IGDCC4: variants seen among roughly 807,000 people sequenced by gnomAD.
The protein encoded by IGDCC4 is immunoglobulin superfamily DCC subclass member 4, also known as likely ortholog of mouse neighbor of Punc E11.
IGDCC4 carries 72 observed loss-of-function variants against 116.6 expected under a neutral mutation model. The ratio of observed to expected loss-of-function variants is 0.62; its 90% confidence interval spans 0.51 to 0.75. IGDCC4 has a LOEUF of 0.75. IGDCC4 is among the 30% of genes least tolerant of loss of function. The probability of loss-of-function intolerance (pLI) is 0.00; values close to 1 mark genes in which losing one functional copy is unlikely to be tolerated. For missense variants in IGDCC4, 1,501 were observed against 1,662.4 expected (o/e 0.90, Z 1.69); for synonymous variants, 709 against 719.9 (o/e 0.98, Z 0.24).
Position 65,400,790 on chromosome 15 carries a change from C to T in IGDCC4, c.841+16G>A. On this transcript the variant is annotated intron_variant, in intron 5 of 19. Transcript: ENST00000352385. ...CTCCCTTCCCATGCCCTCCTTCTCC[C>T]ACCCCCTCCACTCACCTTGTCGGAC... 3.8e-6 allele frequency: 6 copies of T among 1,577,820 alleles called. No homozygotes were observed. The highest frequency in any genetic ancestry group is 3.5e-5 in the South Asian group (3 of 85,612).
At position 65,384,238 on chromosome 15, in the gene IGDCC4, T is replaced by G. The variant is rs759022744; in HGVS notation, c.3524A>C (p.Gln1175Pro). 2 of 1,599,644 alleles carry G rather than the reference T, an allele frequency of 1.3e-6. No individual in the cohort carries two copies. The highest frequency in any genetic ancestry group is 1.7e-6 in the Non-Finnish European group (2 of 1,169,920). Residue 1175 changes from glutamine (Q) to proline (P), a missense_variant, in exon 20 of 20, where the codon CAG (glutamine) becomes CCG (proline). Physicochemically the swap from Gln to Pro is moderately conservative, Grantham distance 76. Transcript: ENST00000352385. This position sits in a 1 kb window ranked among gnomAD's most constrained non-coding sequence, Gnocchi z 4.9. The stretch of plus-strand genomic sequence containing the variant: ...CTCCCTGTCCAGCCAGGCTGCCCCC[T>G]GCCCTGGATCCCCAACACCCGAGAT... ...DLISGVGDPG[Q>P]GAAWLDRELG... is the part of the protein sequence containing the mutation.
Position 65,402,606 on chromosome 15 carries a change from C to T in IGDCC4, c.564-119G>A, listed in dbSNP as rs562928072. 312 of 1,306,276 alleles carry T rather than the reference C, an allele frequency of 2.4e-4. No homozygotes were observed. The African/African-American group carries it at 3.8e-3, about 16-fold the overall frequency. The allele number at this position is 1,306,276 out of a possible 1,614,324, so 80.9% of individuals were successfully genotyped here. Reference sequence around the variant, plus strand: ...ATACCAGGCTGGGCGCAGTGGCTCACGCCTATAATCCCAGCACTTTGGGAG... The same window carrying T: ...ATACCAGGCTGGGCGCAGTGGCTCATGCCTATAATCCCAGCACTTTGGGAG... On this transcript the variant is annotated intron_variant, in intron 3 of 19. Transcript: ENST00000352385.
At chr15:65,405,129 T>TGG (rs35901531) in intron 3 of IGDCC4, among the ~76,000 whole-genome samples, 1,844 of 100,178 alleles carry the variant, frequency 0.018, 65 homozygotes, top group African/African-American at 0.06. Flanking sequence ...TATTAGTTAG[T>TGG]GGGGGGGGGG....
At chr15:65,414,870 G>A (rs1310857448) in intron 1 of IGDCC4, among the ~76,000 whole-genome samples, 1 of 152,224 alleles carries the variant, frequency 6.6e-6, no homozygotes. Flanking sequence ...TTGAACTGCT[G>A]ACCTCAAGTG....
In IGDCC4 at chr15:65,408,347, T is replaced by C. The variant is rs373691026; in HGVS notation, c.563+1831A>G. On this transcript the variant is annotated intron_variant, in intron 3 of 19. Coordinates refer to ENST00000352385, the MANE Select transcript of IGDCC4 (RefSeq NM_020962.3). Reference sequence around the variant, plus strand: ...GGTTCTCTCCTGCCTAGCTCATCTGTTCTGGGTTCATGGAACTCCCAGGAG... The same window carrying C: ...GGTTCTCTCCTGCCTAGCTCATCTGCTCTGGGTTCATGGAACTCCCAGGAG... Among the ~76,000 whole-genome samples, 5 of 152,294 alleles carry C rather than the reference T, an allele frequency of 3.3e-5. No individual in the cohort carries two copies. In the South Asian group the frequency reaches 1.0e-3, roughly 32 times the overall value.
At chr15:65,388,715 G>A in intron 15 of IGDCC4, 93 bp downstream of exon 15, 1 of 1,594,046 alleles carries the variant, frequency 6.3e-7, no homozygotes, top group Non-Finnish European at 8.6e-7. Flanking sequence ...TCTCCCAGTA[G>A]CCCCTGGAAC....
intron 1 of IGDCC4, among the ~76,000 whole-genome samples, chr15:65,413,981 C>A (rs1004654389): frequency 2.0e-5 from 3 of 152,220 alleles, no homozygotes; most frequent in Non-Finnish European, 2.9e-5. Context: ...CACACCTATT[C>A]CTGAACAAAC....
intron 1 of IGDCC4, among the ~76,000 whole-genome samples, chr15:65,419,404 G>A (rs962559171): frequency 1.3e-5 from 2 of 152,010 alleles, no homozygotes; most frequent in Non-Finnish European, 2.9e-5. Flanking sequence ...TCAATGATGC[G>A]CTAATTGTGA....
At position 65,384,954 on chromosome 15, in the gene IGDCC4, C is replaced by T; in HGVS notation, c.3342G>A (p.Lys1114=). ...LLQALVYDAI[K]GNGRKKSPPA... is the part of the protein sequence containing the mutation. ...TGCCCCTTCCTTCCAGGACGCTGACCTTTATGGCGTCGTACACCAGAGCCT... is the reference window on the plus strand; with the variant it reads ...TGCCCCTTCCTTCCAGGACGCTGACTTTTATGGCGTCGTACACCAGAGCCT... The change falls in exon 19 of 20, where the codon AAG becomes AAA. Residue 1114 remains lysine (K), a splice_region_variant and synonymous_variant. Coordinates refer to ENST00000352385, the MANE Select transcript of IGDCC4 (RefSeq NM_020962.3). The surrounding 1 kb of genome is among the most constrained non-coding windows in gnomAD (Gnocchi z 4.9). 6.2e-7 allele frequency: 1 copy of T among 1,609,860 alleles called. No individual in the cohort carries two copies. Among genetic ancestry groups the T allele is most frequent in the Non-Finnish European group, 8.5e-7 (1 of 1,178,528 alleles).
At chr15:65,398,281 C>A (rs1306500364) in intron 5 of IGDCC4, among the ~76,000 whole-genome samples, 1 of 152,150 alleles carries the variant, frequency 6.6e-6, no homozygotes, top group Admixed American at 6.5e-5. Flanking sequence ...CACCTGTAAT[C>A]CCAGCACTTT....
chr15:65,416,804 C>T (rs1014021635), intron 1 of IGDCC4, among the ~76,000 whole-genome samples: 24 of 152,188 alleles, frequency 1.6e-4, no homozygotes, highest in African/African-American at 5.8e-4. Context: ...CCTAGGGCCA[C>T]CTCTCAATCT....
At position 65,384,936 on chromosome 15, in the gene IGDCC4, TC is replaced by T. The variant is rs1294753765; in HGVS notation, c.3342+17del. ...GACCCTTTCCTCCTTTCCTGCCCCTTCCTTCCAGGACGCTGACCTTTATGGC... is the reference window on the plus strand; with the variant it reads ...GACCCTTTCCTCCTTTCCTGCCCCTTCTTCCAGGACGCTGACCTTTATGGC... On this transcript the variant is annotated intron_variant, in intron 19 of 19. Coordinates refer to ENST00000352385, the MANE Select transcript of IGDCC4 (RefSeq NM_020962.3). This position sits in a 1 kb window ranked among gnomAD's most constrained non-coding sequence, Gnocchi z 4.9. 28 of 1,603,940 alleles carry T rather than the reference TC, an allele frequency of 1.7e-5. No individual in the cohort carries two copies. The highest frequency in any genetic ancestry group is 2.2e-5 in the Non-Finnish European group (26 of 1,176,530).
Position 65,385,966 on chromosome 15 carries a change from G to C in IGDCC4, c.3045C>G (p.Ala1015=). The change falls in exon 18 of 20, where the codon GCC becomes GCG. Residue 1015 remains alanine (A), a synonymous_variant. Transcript: ENST00000352385. The part of the protein sequence containing the change: ...ARLGPPSPPA[A]HELESLVHPH... Reference sequence around the variant, plus strand: ...GGTGCACAAGGGACTCCAATTCATGGGCAGCTGGGGGGCTGGGGGGGCCAA... The same window carrying C: ...GGTGCACAAGGGACTCCAATTCATGCGCAGCTGGGGGGCTGGGGGGGCCAA... The C allele has an allele frequency of 6.3e-7, 1 of 1,598,030 alleles. No homozygotes were observed. Among genetic ancestry groups the C allele is most frequent in the African/African-American group, 1.3e-5 (1 of 74,248 alleles).
chr15:65,400,343 T>C (rs1057286480), intron 5 of IGDCC4, among the ~76,000 whole-genome samples: 1 of 152,204 alleles, frequency 6.6e-6, no homozygotes, highest in Non-Finnish European at 1.5e-5. Context: ...ATGATACCAG[T>C]CACACAAAGA....
intron 3 of IGDCC4, 94 bp from the exon 4 acceptor site, chr15:65,402,581 A>T (rs1360218604): frequency 6.8e-7 from 1 of 1,468,618 alleles, no homozygotes; most frequent in Admixed American, 2.2e-5. Context: ...AAACTCTAAG[A>T]TACCAGGCTG....
intron 2 of IGDCC4, chr15:65,410,759 C>T: frequency 1.9e-6 from 1 of 525,518 alleles, no homozygotes; most frequent in Non-Finnish European, 3.4e-6. Flanking sequence ...TGGAGGACAG[C>T]ACAAGCCCAG....
chr15:65,390,577 G>A (rs920570659), intron 12 of IGDCC4, among the ~76,000 whole-genome samples: 2 of 152,138 alleles, frequency 1.3e-5, no homozygotes, highest in Non-Finnish European at 2.9e-5. Flanking sequence ...TCACAGCAAT[G>A]AATAACCATG....
chr15:65,409,767 C>T (rs1014486643), intron 3 of IGDCC4, among the ~76,000 whole-genome samples: 1 of 152,206 alleles, frequency 6.6e-6, no homozygotes, highest in Non-Finnish European at 1.5e-5. Flanking sequence ...AGTGGAAACT[C>T]CGGAGGAACC....
intron 6 of IGDCC4, 186 bp from the exon 7 acceptor site, chr15:65,396,349 T>G: frequency 1.4e-6 from 1 of 709,786 alleles, no homozygotes; most frequent in Non-Finnish European, 2.5e-6. Flanking sequence ...CTTCTCCCCA[T>G]TTACCCCAGC....
Sources: allele counts gnomAD v4.1 joint callset (sites outside exome capture counted in the v4.1 genomes callset), GRCh38; gene constraint gnomAD v4.1.1; non-coding constraint Gnocchi (gnomAD v3.1); transcripts MANE v1.5; gene names NCBI Gene and HGNC (gene_info 2026-07-23, HGNC 2026-07-21).